Variants in HMCN2 observed in about 807,000 individuals in gnomAD.
HMCN2 encodes the protein hemicentin-2.
Under a neutral mutation model 377.5 loss-of-function variants are expected in HMCN2, and 325 were observed. That is an observed-to-expected ratio of 0.86 (90% CI 0.79 to 0.94). The LOEUF is 0.94. Among genes scored for constraint, HMCN2 ranks in the 40% least tolerant of loss-of-function variants. HMCN2 has a pLI of 0.00. For synonymous variants in HMCN2, 2,007 were observed against 2,046.8 expected, an observed-to-expected ratio of 0.98 and a Z score of 0.53; for missense variants, 4,543 against 4,725.3, an observed-to-expected ratio of 0.96 and a Z score of 1.13.
At chr9:130,355,143 G>A (rs1839958262) in intron 32 of HMCN2, 99 bp downstream of exon 32, 21 of 1,023,142 alleles carry the variant, frequency 2.1e-5, no homozygotes, top group Middle Eastern at 4.4e-4. Flanking sequence ...GTGGAGGGAG[G>A]GTGGGGAGAA....
At chr9:130,298,237 AGC>A (rs1394321167) in intron 7 of HMCN2, among the ~76,000 whole-genome samples, 7 of 152,130 alleles carry the variant, frequency 4.6e-5, no homozygotes, top group African/African-American at 1.7e-4. Flanking sequence ...TACAGTCATG[AGC>A]CACCATGCCA....
chr9:130,289,548 C>T (rs1329449903), intron 4 of HMCN2, among the ~76,000 whole-genome samples: 1 of 152,136 alleles, frequency 6.6e-6, no homozygotes, highest in Non-Finnish European at 1.5e-5. Flanking sequence ...CTCAACCTCT[C>T]TGGGCCACAC....
chr9:130,355,773 G>T lies in HMCN2; in HGVS notation c.5174G>T (p.Gly1725Val). ...QVPPQLLVAE[G>V]LGQVTTIVGQ... ...CCCCCACAGCTCCTGGTGGCTGAAG[G>T]CTTGGGACAGGTGACCACCATCGTG... The change falls in exon 33 of 98, where the codon GGC becomes GTC. Residue 1725 changes from glycine to valine, a missense_variant. By Grantham distance (109) the Gly-to-Val change is moderately radical (BLOSUM62 -3). This residue lies in a region of HMCN2 where 1,032 missense variants were observed against 1,285.1 expected (regional missense o/e 0.80). Transcript: ENST00000683500. 7.7e-7 allele frequency: 1 copy of T among 1,303,656 alleles called. No individual in the cohort carries two copies. The allele number at this position is 1,303,656 out of a possible 1,614,324, so 80.8% of individuals were successfully genotyped here.
Position 130,396,025 on chromosome 9 carries a change from C to T in HMCN2, c.11013C>T (p.Ala3671=), listed in dbSNP as rs918017966. 7 of 1,287,216 alleles carry T rather than the reference C, an allele frequency of 5.4e-6. No individual in the cohort carries two copies. Among genetic ancestry groups the T allele is most frequent in the East Asian group, 5.6e-5 (1 of 18,010 alleles). The allele number at this position is 1,287,216 out of a possible 1,614,324, so 79.7% of individuals were successfully genotyped here. Residue 3671 remains alanine (A), a synonymous_variant, in exon 72 of 98, where the codon GCC becomes GCT. Transcript: ENST00000683500. ...SGDYSCTARN[A]AGSTSVAFRV... ...ACTACAGCTGCACAGCCCGCAACGC[C>T]GCAGGCAGCACTAGTGTCGCCTTCC...
chr9:130,431,598 T>C, intron 96 of HMCN2, 112 bp downstream of exon 96: 1 of 1,409,652 alleles, frequency 7.1e-7, no homozygotes, highest in Non-Finnish European at 9.5e-7. Flanking sequence ...TTCACAACTA[T>C]CCTGTGAGGT....
rs1039856381 is a variant in HMCN2 at position 130,344,031 on chromosome 9, G to A, written c.3829+1595G>A. Among the ~76,000 whole-genome samples the A allele has an allele frequency of 2.0e-3, 306 of 152,244 alleles. 1 individual carries two copies. Among genetic ancestry groups the A allele is most frequent in the South Asian group, 9.7e-3 (47 of 4,824 alleles). ...GGGAGGGGGCGGCGTGAGGGACCCT[G>A]GGCAGCAGCTGGTGCCCGGGGATCT... is the stretch of plus-strand genomic sequence containing the variant. On this transcript the variant is annotated intron_variant, in intron 25 of 97. Transcript: ENST00000683500.
intron 3 of HMCN2, among the ~76,000 whole-genome samples, chr9:130,285,894 A>T (rs1835386899): frequency 6.6e-6 from 1 of 152,126 alleles, no homozygotes; most frequent in Non-Finnish European, 1.5e-5. Flanking sequence ...CCACTCTGAG[A>T]TGAGTCGACT....
At chr9:130,284,728 G>C in intron 2 of HMCN2, 55 bp downstream of exon 2, 1 of 469,778 alleles carries the variant, frequency 2.1e-6, no homozygotes, top group South Asian at 1.5e-5. Flanking sequence ...CCCACCAATA[G>C]GGTTTGGGGA....
chr9:130,275,390 C>T (rs1376743982), intron 1 of HMCN2, among the ~76,000 whole-genome samples: 1 of 152,198 alleles, frequency 6.6e-6, no homozygotes, highest in Non-Finnish European at 1.5e-5. Context: ...GTTGCATGTT[C>T]CGGGTTGTGT....
At chr9:130,294,196 T>C (rs1325760537) in intron 4 of HMCN2, among the ~76,000 whole-genome samples, 2 of 152,146 alleles carry the variant, frequency 1.3e-5, no homozygotes, top group African/African-American at 4.8e-5. Flanking sequence ...CCTAAATGTG[T>C]ACCTAAGGGA....
chr9:130,273,579 C>T (rs782235651), intron 1 of HMCN2, among the ~76,000 whole-genome samples: 8 of 151,994 alleles, frequency 5.3e-5, no homozygotes, highest in Non-Finnish European at 1.0e-4. Flanking sequence ...CTCACTGCAA[C>T]CTCCGTCCCC....
chr9:130,396,831 G>A (rs2131697966), intron 73 of HMCN2, among the ~76,000 whole-genome samples: 1 of 152,318 alleles, frequency 6.6e-6, no homozygotes, highest in East Asian at 1.9e-4. Flanking sequence ...CATGGCCCTT[G>A]GAAAGGGCAT....
rs1173636209 is a variant in HMCN2, at chr9:130,277,832, CCATCAT to C, written c.260-6762_260-6757del. Among the ~76,000 whole-genome samples the C allele has an allele frequency of 2.3e-4, 5 of 22,134 alleles. 1 individual carries two copies. Among genetic ancestry groups the C allele is most frequent in the Admixed American group, 5.3e-4 (1 of 1,884 alleles). The allele number at this position is 22,134 out of a possible 152,430, so 14.5% of individuals were successfully genotyped here. ...ACCACCATCATCATCATCACCACCA[CCATCAT>C]CATCATCACCACCACCACCACCATC... On this transcript the variant is annotated intron_variant, in intron 1 of 97. Coordinates refer to ENST00000683500, the MANE Select transcript of HMCN2 (RefSeq NM_001291815.2).
At chr9:130,429,964 T>C (rs1844639012) in intron 94 of HMCN2, 4 of 608,728 alleles carry the variant, frequency 6.6e-6, no homozygotes, top group Non-Finnish European at 1.1e-5. Flanking sequence ...GGGGGAGGAC[T>C]GTGGAGGCAA....
rs771282536 is a variant in HMCN2 at position 130,354,801 on chromosome 9, G to A, written c.4903G>A (p.Val1635Met). The A allele has an allele frequency of 1.6e-4, 203 of 1,303,966 alleles. No individual in the cohort carries two copies. The highest frequency in any genetic ancestry group is 1.2e-3 in the East Asian group (21 of 18,038). The allele number at this position is 1,303,966 out of a possible 1,614,324, so 80.8% of individuals were successfully genotyped here. The change falls in exon 32 of 98, where the codon GTG becomes ATG. Residue 1635 changes from valine (V) to methionine (M), a missense_variant. Around this residue, in one of 5 missense-constraint regions of HMCN2, gnomAD observed 1,032 missense variants for 1,285.1 expected, o/e 0.80. Transcript: ENST00000683500. Reference protein sequence around the residue: ...TIEGAGGRPYVVKAVAGRPVA... With the variant: ...TIEGAGGRPYMVKAVAGRPVA... ...CGAGGGCGCCGGTGGAAGACCATAC[G>A]TGGTGAAGGCTGTGGCTGGGAGGCC...
chr9:130,399,027 A>T (rs1278673625), intron 75 of HMCN2, among the ~76,000 whole-genome samples: 1 of 152,080 alleles, frequency 6.6e-6, no homozygotes, highest in Non-Finnish European at 1.5e-5. Context: ...CTGAGGTGGG[A>T]GGATTGCTTG....
intron 34 of HMCN2, 26 bp downstream of exon 34, chr9:130,356,283 G>A (rs1840023147): frequency 6.3e-6 from 8 of 1,276,178 alleles, no homozygotes; most frequent in South Asian, 1.3e-5. Context: ...GGGTTCTGGA[G>A]CTGTGGGCAG....
In HMCN2 at chr9:130,369,955, C is replaced by T. The variant is rs1312305715; in HGVS notation, c.7069+104C>T. On this transcript the variant is annotated intron_variant, in intron 45 of 97. Coordinates refer to ENST00000683500, the MANE Select transcript of HMCN2 (RefSeq NM_001291815.2). This position sits in a 1 kb window ranked among gnomAD's most constrained non-coding sequence, Gnocchi z 4.5. Reference sequence around the variant, plus strand: ...CCCTCAGGCTGTGATCCTGGGGTCACACCTGTTCTTTCTGGAGTCAGGGCT... The same window carrying T: ...CCCTCAGGCTGTGATCCTGGGGTCATACCTGTTCTTTCTGGAGTCAGGGCT... 1 of 658,910 alleles carries T rather than the reference C, an allele frequency of 1.5e-6. No individual in the cohort carries two copies. The highest frequency in any genetic ancestry group is 2.0e-5 in the African/African-American group (1 of 51,026). The allele number at this position is 658,910 out of a possible 1,614,324, so 40.8% of individuals were successfully genotyped here. A position where few individuals can be genotyped will look rare whatever the true frequency, so the allele number is the denominator to read the frequency against.
At position 130,374,586 on chromosome 9, in the gene HMCN2, T is replaced by A; in HGVS notation, c.7523T>A (p.Val2508Asp). 1 of 985,636 alleles carries A rather than the reference T, an allele frequency of 1.0e-6. No homozygotes were observed. The allele number at this position is 985,636 out of a possible 1,614,324, so 61.1% of individuals were successfully genotyped here. The change falls in exon 49 of 98, where the codon GTC becomes GAC. Residue 2508 changes from valine to aspartate, a missense_variant. Physicochemically the swap from Val to Asp is radical, Grantham distance 152. Around this residue, in one of 5 missense-constraint regions of HMCN2, gnomAD observed 736 missense variants for 773.2 expected, o/e 0.95. Transcript: ENST00000683500. ...GCTCACCACATCTCCCCAGACGGAG[T>A]CCTCCTGCAGGTCCTCCAGGCAAAC... ...GDAHHISPDG[V>D]LLQVLQANLS...
Sources: gnomAD v4.1 joint callset for allele counts (sites outside exome capture counted in the v4.1 genomes callset) on GRCh38, gnomAD v4.1.1 for gene constraint, gnomAD v4.1.1 regional missense constraint, Gnocchi (gnomAD v3.1) non-coding constraint, MANE v1.5 for transcripts, NCBI Gene and HGNC (gene_info 2026-07-23, HGNC 2026-07-21) for gene names.